STAG1: variants seen among roughly 807,000 people sequenced by gnomAD.
STAG1 encodes cohesin subunit SA-1.
In STAG1, 26 loss-of-function variants were observed where a neutral mutation model predicts 170.9. The ratio of observed to expected loss-of-function variants is 0.15; its 90% CI spans 0.11 to 0.21. STAG1 has a LOEUF of 0.21. STAG1 is among the 10% of genes least tolerant of loss of function. The probability of loss-of-function intolerance (pLI) is 1.00; values close to 1 mark genes in which losing one functional copy is unlikely to be tolerated. For missense variants in STAG1, 964 were observed against 1,509.5 expected (o/e 0.64, Z 5.99); for synonymous variants, 514 against 497.7 (o/e 1.03, Z -0.44).
chr3:136,710,239 A>G (rs1008143861), intron 1 of STAG1, among the ~76,000 whole-genome samples: 2 of 152,160 alleles, frequency 1.3e-5, no homozygotes, highest in Non-Finnish European at 2.9e-5. Flanking sequence ...CCCAAACACA[A>G]TTCCAACATT....
intron 31 of STAG1, among the ~76,000 whole-genome samples, chr3:136,341,078 T>A (rs1444470193): frequency 6.6e-6 from 1 of 152,114 alleles, no homozygotes; most frequent in Non-Finnish European, 1.5e-5. Context: ...CCGGCTAATT[T>A]TTTGTATTTT....
chr3:136,513,166 C>T (rs1268932475), intron 7 of STAG1, among the ~76,000 whole-genome samples: 3 of 152,056 alleles, frequency 2.0e-5, no homozygotes, highest in Admixed American at 6.6e-5. Flanking sequence ...GACCAACTGG[C>T]CGACATGGTG....
At chr3:136,678,340 A>C (rs985524299) in intron 1 of STAG1, among the ~76,000 whole-genome samples, 1 of 151,884 alleles carries the variant, frequency 6.6e-6, no homozygotes, top group Non-Finnish European at 1.5e-5. Flanking sequence ...TCAATATATA[A>C]ATAAAATAGT....
At chr3:136,368,321 C>G (rs1175616207) in intron 24 of STAG1, among the ~76,000 whole-genome samples, 1 of 152,092 alleles carries the variant, frequency 6.6e-6, no homozygotes, top group Non-Finnish European at 1.5e-5. Flanking sequence ...TTATTTACAA[C>G]TAATCATTAA....
intron 1 of STAG1, among the ~76,000 whole-genome samples, chr3:136,700,419 T>C (rs536478836): frequency 3.2e-5 from 4 of 125,532 alleles, no homozygotes; most frequent in African/African-American, 5.8e-5. Flanking sequence ...TTACTTCTTC[T>C]TTTTTTTTTT....
intron 2 of STAG1, among the ~76,000 whole-genome samples, chr3:136,625,550 T>C (rs921930306): frequency 1.3e-5 from 2 of 152,152 alleles, no homozygotes; most frequent in East Asian, 3.8e-4. Flanking sequence ...AAGTTATGCA[T>C]ACGTATGCTT....
At chr3:136,531,907 T>TAAA (rs58322006) in intron 6 of STAG1, among the ~76,000 whole-genome samples, 54 of 90,320 alleles carry the variant, frequency 6.0e-4, no homozygotes, top group Non-Finnish European at 5.4e-4. Flanking sequence ...ACTTAAAGTA[T>TAAA]AAAAAAAAAA....
intron 4 of STAG1, among the ~76,000 whole-genome samples, chr3:136,577,966 T>C (rs1260257058): frequency 6.6e-6 from 1 of 152,156 alleles, no homozygotes; most frequent in Non-Finnish European, 1.5e-5. Context: ...TACCAGAGCC[T>C]CCCTGGCCTT....
At chr3:136,509,173 A>T (rs1311557816) in intron 7 of STAG1, among the ~76,000 whole-genome samples, 1 of 152,230 alleles carries the variant, frequency 6.6e-6, no homozygotes, top group Non-Finnish European at 1.5e-5. Context: ...AGAGGATAAG[A>T]GTATAACTGC....
intron 4 of STAG1, among the ~76,000 whole-genome samples, chr3:136,590,734 A>G (rs1453131985): frequency 6.6e-6 from 1 of 152,186 alleles, no homozygotes; most frequent in Non-Finnish European, 1.5e-5. Flanking sequence ...CTGAATCTCT[A>G]AAGGGGTTCA....
At chr3:136,506,816 T>C (rs1003263975) in intron 7 of STAG1, among the ~76,000 whole-genome samples, 1 of 152,136 alleles carries the variant, frequency 6.6e-6, no homozygotes, top group African/African-American at 2.4e-5. Flanking sequence ...TTGGAAGTCA[T>C]TATCAAAGAC....
At chr3:136,593,073 T>A (rs1938264694) in intron 4 of STAG1, among the ~76,000 whole-genome samples, 1 of 152,178 alleles carries the variant, frequency 6.6e-6, no homozygotes, top group East Asian at 1.9e-4. Context: ...GCTGCACTAG[T>A]GGGCCTTTAA....
At chr3:136,609,422 T>TACACAC (rs1167811981) in intron 3 of STAG1, 49 of 148,756 alleles carry the variant, frequency 3.3e-4, no homozygotes, top group African/African-American at 1.1e-3. Flanking sequence ...TACATATATA[T>TACACAC]ATATATACAC....
At chr3:136,508,096 A>G (rs1418241005) in intron 7 of STAG1, among the ~76,000 whole-genome samples, 1 of 152,198 alleles carries the variant, frequency 6.6e-6, no homozygotes, top group African/African-American at 2.4e-5. Context: ...AGAAAAGGAG[A>G]AAAATGAAAC....
Position 136,464,925 on chromosome 3 carries a change from T to C in STAG1, c.1269A>G (p.Ala423=). ...CENVYHLVYS[A]HRPVAVAAGE... is the part of the protein sequence containing the mutation. ...CAGCTGCCACAGCAACAGGGCGATGTGCCGAGTACACCAAGTGGTAAACAT... is the reference window on the plus strand; with the variant it reads ...CAGCTGCCACAGCAACAGGGCGATGCGCCGAGTACACCAAGTGGTAAACAT... The change falls in exon 13 of 34, where the codon GCA becomes GCG. Residue 423 remains alanine (A), a synonymous_variant. Transcript: ENST00000383202. 2 of 1,613,124 alleles carry C rather than the reference T, an allele frequency of 1.2e-6. No homozygotes were observed. The highest frequency in any genetic ancestry group is 8.5e-7 in the Non-Finnish European group (1 of 1,179,624).
At chr3:136,603,898 A>C (rs1248790582) in intron 4 of STAG1, among the ~76,000 whole-genome samples, 1 of 151,924 alleles carries the variant, frequency 6.6e-6, no homozygotes, top group Non-Finnish European at 1.5e-5. Context: ...AAAAAAAAGA[A>C]AGAAAGAAAG....
intron 21 of STAG1, among the ~76,000 whole-genome samples, chr3:136,416,134 A>C (rs1382735278): frequency 6.6e-6 from 1 of 151,936 alleles, no homozygotes; most frequent in Non-Finnish European, 1.5e-5. Flanking sequence ...CAGCCTCCCG[A>C]GTAGCTGGGA....
chr3:136,366,887 T>C, intron 25 of STAG1, 56 bp downstream of exon 25: 4 of 1,433,672 alleles, frequency 2.8e-6, no homozygotes, highest in Non-Finnish European at 2.8e-6. Context: ...ATCCTTTCAA[T>C]TGCTAATTTC....
chr3:136,506,974 A>G (rs1933800762), intron 7 of STAG1, among the ~76,000 whole-genome samples: 1 of 152,226 alleles, frequency 6.6e-6, no homozygotes, highest in South Asian at 2.1e-4. Flanking sequence ...CATTTGTGCA[A>G]AAGAATGTAT....
Sources: gnomAD v4.1 joint callset for allele counts (sites outside exome capture counted in the v4.1 genomes callset) on GRCh38, gnomAD v4.1.1 for gene constraint, MANE v1.5 for transcripts, NCBI Gene and HGNC (gene_info 2026-07-23, HGNC 2026-07-21) for gene names.